Variants in TMTC3 observed in about 807,000 individuals in gnomAD.
The protein encoded by TMTC3 is transmembrane O-mannosyltransferase targeting cadherins 3.
TMTC3 carries 52 observed loss-of-function variants against 92.2 expected under a neutral mutation model. The observed-to-expected ratio is 0.56, with a 90% confidence interval of 0.45 to 0.71. TMTC3 has a LOEUF of 0.71. Ranked by LOEUF, TMTC3 falls within the 30% of genes least tolerant of loss-of-function variation. The pLI is 0.00. For missense variants in TMTC3, 896 were observed against 1,057.1 expected (o/e 0.85, Z 2.11); for synonymous variants, 339 against 363.3 (o/e 0.93, Z 0.76).
chr12:88,182,560 A>T (rs1382155545), intron 10 of TMTC3, among the ~76,000 whole-genome samples: 1 of 152,194 alleles, frequency 6.6e-6, no homozygotes, highest in Non-Finnish European at 1.5e-5. Context: ...TATGTATCCA[A>T]GATATTTTCA....
chr12:88,173,047 A>C, intron 8 of TMTC3: 1 of 1,322,126 alleles, frequency 7.6e-7, no homozygotes, highest in Non-Finnish European at 9.9e-7. Context: ...GACCATTGCC[A>C]CTTCCATATT....
intron 6 of TMTC3, among the ~76,000 whole-genome samples, chr12:88,164,509 TA>T (rs919604159): frequency 2.6e-5 from 4 of 151,634 alleles, no homozygotes; most frequent in African/African-American, 9.7e-5. Context: ...TCAGTATGTT[TA>T]AAAAAAAATT....
At chr12:88,178,455 CA>C (rs2041282510) in intron 10 of TMTC3, among the ~76,000 whole-genome samples, 1 of 152,110 alleles carries the variant, frequency 6.6e-6, no homozygotes, top group Non-Finnish European at 1.5e-5. Context: ...CAGCTGTAAG[CA>C]AATAGTTTTC....
Position 88,160,736 on chromosome 12 carries a change from A to C in TMTC3, c.682A>C (p.Ile228Leu). The C allele has an allele frequency of 1.9e-6, 3 of 1,613,674 alleles. No individual in the cohort carries two copies. The highest frequency in any genetic ancestry group is 2.5e-6 in the Non-Finnish European group (3 of 1,179,726). The change falls in exon 6 of 14, where the codon ATT becomes CTT. Residue 228 changes from isoleucine to leucine, a missense_variant. By Grantham distance (5) the Ile-to-Leu change is conservative. Coordinates refer to ENST00000266712, the MANE Select transcript of TMTC3 (RefSeq NM_181783.4). ...AGQFLRGKGS[I>L]PFSMLQTLVK... ...ACAGTTTCTCCGTGGAAAGGGTAGC[A>C]TTCCATTTTCTATGCTGCAGACACT...
At position 88,146,064 on chromosome 12, in the gene TMTC3, G is replaced by A. The variant is rs1443468852; in HGVS notation, c.-28-2224G>A. On this transcript the variant is annotated intron_variant, in intron 1 of 13. Coordinates refer to ENST00000266712, the MANE Select transcript of TMTC3 (RefSeq NM_181783.4). ...AGTTCTCACAACTAACAAGAATAGT[G>A]TGTTACATGTTTGCAATAATGGCCC... is the stretch of plus-strand genomic sequence containing the variant. Among the ~76,000 whole-genome samples the A allele has an allele frequency of 3.3e-5, 5 of 152,272 alleles. No individual in the cohort carries two copies. In the East Asian group the frequency reaches 9.7e-4, roughly 29 times the overall value.
At chr12:88,185,374 A>G (rs2041365550) in intron 10 of TMTC3, among the ~76,000 whole-genome samples, 1 of 151,220 alleles carries the variant, frequency 6.6e-6, no homozygotes, top group African/African-American at 2.4e-5. Flanking sequence ...TACTCTGCAC[A>G]GTTATTTTGA....
At position 88,198,925 on chromosome 12, in the gene TMTC3, A is replaced by C. The variant is rs1417833858; in HGVS notation, c.*3276A>C. 1 of 152,158 alleles carries C rather than the reference A, an allele frequency of 6.6e-6. No individual in the cohort carries two copies. Among genetic ancestry groups the C allele is most frequent in the African/African-American group, 2.4e-5 (1 of 41,442 alleles). 9.4% of individuals were successfully genotyped at this position (152,158 alleles called of 1,614,324 possible). A position where few individuals can be genotyped will look rare whatever the true frequency, so the allele number is the denominator to read the frequency against. On this transcript the variant is annotated 3_prime_UTR_variant, in exon 14 of 14. Transcript: ENST00000266712. ...GAAGCCGCCAGCCATTCATGTAGAG[A>C]GTTTATAAGAAAATAATTTAAAATT...
intron 10 of TMTC3, among the ~76,000 whole-genome samples, chr12:88,180,176 T>C (rs771847068): frequency 1.3e-5 from 2 of 152,206 alleles, no homozygotes; most frequent in African/African-American, 4.8e-5. Flanking sequence ...ACACTCGTAT[T>C]CCGGCTTTGC....
chr12:88,189,461 T>A (rs1223031638), intron 11 of TMTC3, among the ~76,000 whole-genome samples: 2 of 152,182 alleles, frequency 1.3e-5, no homozygotes, highest in African/African-American at 4.8e-5. Context: ...AAGTATGAAT[T>A]TTAGATATTC....
intron 9 of TMTC3, 89 bp downstream of exon 9, chr12:88,174,816 G>C: frequency 6.7e-7 from 1 of 1,491,520 alleles, no homozygotes; most frequent in Non-Finnish European, 9.2e-7. Context: ...TTTTTAATTA[G>C]ACATTTAACA....
chr12:88,156,560 C>T (rs949992443), intron 4 of TMTC3, among the ~76,000 whole-genome samples: 2 of 152,172 alleles, frequency 1.3e-5, no homozygotes, highest in African/African-American at 4.8e-5. Flanking sequence ...ATATCTACCT[C>T]TTACCCCATC....
intron 6 of TMTC3, among the ~76,000 whole-genome samples, chr12:88,163,332 G>C (rs562325051): frequency 2.0e-5 from 3 of 152,270 alleles, no homozygotes; most frequent in Admixed American, 2.0e-4. Context: ...TGTAAATTAC[G>C]AAGATTTCCA....
At chr12:88,172,321 A>G (rs1019039191) in intron 7 of TMTC3, among the ~76,000 whole-genome samples, 3 of 152,004 alleles carry the variant, frequency 2.0e-5, no homozygotes, top group Non-Finnish European at 4.4e-5. Context: ...TTGTTTTCAA[A>G]GTTCATAGAT....
In TMTC3 at chr12:88,172,651, G is replaced by A. The variant is rs757574669; in HGVS notation, c.1105G>A (p.Val369Ile). Residue 369 changes from valine to isoleucine, a missense_variant, in exon 8 of 14, where the codon GTT becomes ATT. By Grantham distance (29) the Val-to-Ile change is conservative. Coordinates refer to ENST00000266712, the MANE Select transcript of TMTC3 (RefSeq NM_181783.4). ...TCCTGCATCGAACCTTTTTTTTCCA[G>A]TTGGATTTGTTGTTGCCGAGCGAGT... is the stretch of plus-strand genomic sequence containing the variant. ...FIPASNLFFP[V>I]GFVVAERVLY... The A allele has an allele frequency of 3.8e-6, 6 of 1,568,556 alleles. No individual in the cohort carries two copies. Among genetic ancestry groups the A allele is most frequent in the Middle Eastern group, 1.7e-4 (1 of 5,898 alleles).
chr12:88,179,361 T>C lies in TMTC3; in HGVS notation c.1432+3042T>C, dbSNP rs1026635891. ...GATGGTTAGTTAAAAGTTTGGACTC[T>C]GGCATCAGACCTTTTCTCAAATTTA... On this transcript the variant is annotated intron_variant, in intron 10 of 13. Transcript: ENST00000266712. Among the ~76,000 whole-genome samples, 23 of 152,210 alleles carry C rather than the reference T, an allele frequency of 1.5e-4. 1 individual carries two copies. Among genetic ancestry groups the C allele is most frequent in the Non-Finnish European group, 7.3e-5 (5 of 68,034 alleles).
chr12:88,195,440 G>A lies in TMTC3; in HGVS notation c.2536G>A (p.Val846Ile), dbSNP rs1326668473. ...VEGKKIPTES[V>I]KEIRGESRQT... ...AGGAAAGAAAATTCCAACTGAAAGT[G>A]TAAAAGAAATTAGAGGTGAATCCAG... Residue 846 changes from valine (V) to isoleucine (I), a missense_variant, in exon 14 of 14, where the codon GTA (valine) becomes ATA (isoleucine). Coordinates refer to ENST00000266712, the MANE Select transcript of TMTC3 (RefSeq NM_181783.4). 2 of 1,613,226 alleles carry A rather than the reference G, an allele frequency of 1.2e-6. No individual in the cohort carries two copies. Among genetic ancestry groups the A allele is most frequent in the African/African-American group, 1.3e-5 (1 of 74,830 alleles).
At chr12:88,144,023 C>T (rs546348404) in intron 1 of TMTC3, among the ~76,000 whole-genome samples, 3 of 152,272 alleles carry the variant, frequency 2.0e-5, no homozygotes, top group Non-Finnish European at 4.4e-5. Flanking sequence ...GATGCTAATG[C>T]ATTATAATTA....
At chr12:88,167,487 T>C (rs1339637176) in intron 7 of TMTC3, among the ~76,000 whole-genome samples, 1 of 152,238 alleles carries the variant, frequency 6.6e-6, no homozygotes, top group African/African-American at 2.4e-5. Context: ...AAAGTATGTT[T>C]AATGAATTGC....
Position 88,166,370 on chromosome 12 carries a change from CAACT to C in TMTC3, c.843_846del (p.Thr282LeufsTer7). ...TGCTGTAAGCCCAACTCCTACAAGG[CAACT>C]AACTTTTAACTACCTCCTTCCTGTG... is the stretch of plus-strand genomic sequence containing the variant. On this transcript the variant is annotated frameshift_variant, in exon 7 of 14. Coordinates refer to ENST00000266712, the MANE Select transcript of TMTC3 (RefSeq NM_181783.4). LOFTEE classifies it high-confidence loss of function. 1 of 1,613,876 alleles carries C rather than the reference CAACT, an allele frequency of 6.2e-7. No homozygotes were observed. Among genetic ancestry groups the C allele is most frequent in the South Asian group, 1.1e-5 (1 of 91,072 alleles).
Sources: allele counts gnomAD v4.1 joint callset (sites outside exome capture counted in the v4.1 genomes callset), GRCh38; gene constraint gnomAD v4.1.1; transcripts MANE v1.5; gene names NCBI Gene and HGNC (gene_info 2026-07-23, HGNC 2026-07-21).